Variants in ACSL6 observed in about 807,000 individuals in gnomAD.
The protein encoded by ACSL6 is long-chain-fatty-acid--CoA ligase 6.
ACSL6 carries 47 observed loss-of-function variants against 98.2 expected under a neutral mutation model. The observed-to-expected ratio is 0.48, with a 90% CI of 0.38 to 0.61. ACSL6 has a LOEUF of 0.61. Among genes scored for constraint, ACSL6 ranks in the 20% least tolerant of loss-of-function variants. The pLI, the probability that ACSL6 is intolerant of heterozygous loss-of-function variation, is 0.00. For synonymous variants in ACSL6, 362 were observed against 336.9 expected, an observed-to-expected ratio of 1.07 and a Z score of -0.82; for missense variants, 761 against 913.4, an observed-to-expected ratio of 0.83 and a Z score of 2.15.
chr5:132,002,695 G>T (rs1233846412), intron 1 of ACSL6, among the ~76,000 whole-genome samples: 2 of 152,148 alleles, frequency 1.3e-5, no homozygotes, highest in Non-Finnish European at 2.9e-5. Flanking sequence ...TAGAGAACAG[G>T]GCTATCGAAG....
chr5:131,966,605 A>T, intron 16 of ACSL6, 73 bp from the exon 17 acceptor site: 1 of 1,340,336 alleles, frequency 7.5e-7, no homozygotes, highest in South Asian at 1.2e-5. Context: ...GTCACCAGGC[A>T]TACGGAGATA....
intron 4 of ACSL6, 116 bp downstream of exon 4, chr5:131,989,984 G>A: frequency 8.8e-7 from 1 of 1,136,214 alleles, no homozygotes. Flanking sequence ...TTGGCAGACA[G>A]GCCAGGGAAA....
rs1008817892 is a variant in ACSL6, at chr5:131,997,451, G to T, written c.50-3200C>A. 1.8e-4 allele frequency among the ~76,000 whole-genome samples: 28 copies of T among 152,062 alleles called. 1 individual carries two copies. Among genetic ancestry groups the T allele is most frequent in the African/African-American group, 6.5e-4 (27 of 41,404 alleles). On this transcript the variant is annotated intron_variant, in intron 1 of 20. Transcript: ENST00000651883. Reference sequence around the variant, plus strand: ...ACTCCCACAATCCATCCTTTCCTTCGCATTGGCACTGAACCCACAGACAAC... The same window carrying T: ...ACTCCCACAATCCATCCTTTCCTTCTCATTGGCACTGAACCCACAGACAAC...
chr5:131,974,776 CAT>C (rs753474056), intron 11 of ACSL6, 115 bp downstream of exon 11: 2 of 1,611,006 alleles, frequency 1.2e-6, no homozygotes, highest in Non-Finnish European at 8.5e-7. Context: ...TTCGCTCAAA[CAT>C]GTGTGCTAAA....
intron 1 of ACSL6, chr5:132,007,072 G>A (rs1755449188): frequency 6.6e-6 from 1 of 151,988 alleles, no homozygotes; most frequent in Non-Finnish European, 1.5e-5. Context: ...TATGTACCCT[G>A]TGTGCCCAAC....
In ACSL6 at chr5:131,962,647, T is replaced by C. The variant is rs1752772742; in HGVS notation, c.1745A>G (p.Lys582Arg). 2 of 1,613,944 alleles carry C rather than the reference T, an allele frequency of 1.2e-6. No individual in the cohort carries two copies. ...AGTLKIIDRKKHIFKLAQGEY... is the reference protein window; with the variant it reads ...AGTLKIIDRKRHIFKLAQGEY... ...TCCCTGAGCAAGTTTAAATATATGC[T>C]TTTTCCGATCAATAATTTTAAGAGT... The change falls in exon 18 of 21, where the codon AAG becomes AGG. Residue 582 changes from lysine to arginine, a missense_variant. Physicochemically the swap from Lys to Arg is conservative, Grantham distance 26. Transcript: ENST00000651883.
chr5:131,994,050 A>G lies in ACSL6; in HGVS notation c.251T>C (p.Met84Thr). The change falls in exon 2 of 21, where the codon ATG becomes ACG. Residue 84 changes from methionine to threonine, a missense_variant. Coordinates refer to ENST00000651883, the MANE Select transcript of ACSL6 (RefSeq NM_001009185.3). ...KALQPPCNLL[M>T]QSEEVEDSGG... ...GCTCACCTCTACTTCTTCTGACTGCATCAGGAGGTTGCATGGCGGCTGCAA... is the reference window on the plus strand; with the variant it reads ...GCTCACCTCTACTTCTTCTGACTGCGTCAGGAGGTTGCATGGCGGCTGCAA... 1.2e-6 allele frequency: 2 copies of G among 1,613,930 alleles called. No homozygotes were observed. Among genetic ancestry groups the G allele is most frequent in the Non-Finnish European group, 1.7e-6 (2 of 1,180,034 alleles).
At chr5:131,956,963 T>C (rs1287815624) in intron 20 of ACSL6, among the ~76,000 whole-genome samples, 11 of 152,176 alleles carry the variant, frequency 7.2e-5, no homozygotes, top group Non-Finnish European at 1.5e-5. Flanking sequence ...TGCTACAGGA[T>C]TTTTAAAAAT....
chr5:132,011,394 G>A lies in ACSL6; in HGVS notation c.49+111C>T. 1 of 1,185,412 alleles carries A rather than the reference G, an allele frequency of 8.4e-7. No individual in the cohort carries two copies. The highest frequency in any genetic ancestry group is 1.2e-6 in the Non-Finnish European group (1 of 806,836). The allele number at this position is 1,185,412 out of a possible 1,614,324, so 73.4% of individuals were successfully genotyped here. A position where few individuals can be genotyped will look rare whatever the true frequency, so the allele number is the denominator to read the frequency against. The stretch of plus-strand genomic sequence containing the variant: ...GGGACCTTGACGGGACAGCTCAGCA[G>A]CAGGGGATGGGGGCTCGGCGGCCGC... On this transcript the variant is annotated intron_variant, in intron 1 of 20. Coordinates refer to ENST00000651883, the MANE Select transcript of ACSL6 (RefSeq NM_001009185.3). This position sits in a 1 kb window ranked among gnomAD's most constrained non-coding sequence, Gnocchi z 5.4.
chr5:131,986,710 A>C, intron 8 of ACSL6, 112 bp downstream of exon 8: 5 of 1,342,836 alleles, frequency 3.7e-6, no homozygotes, highest in Non-Finnish European at 5.3e-6. Flanking sequence ...GCTTGCACAC[A>C]GGAGTTGCTT....
rs1752184367 is a variant in ACSL6, at chr5:131,951,920, TTA to T, written c.*2312_*2313del. Reference sequence around the variant, plus strand: ...GAAATATTAAGTTGTCCATAATCTGTTATATCTAACTATTATAAAGTATAAAT... The same window carrying T: ...GAAATATTAAGTTGTCCATAATCTGTTATCTAACTATTATAAAGTATAAAT... On this transcript the variant is annotated 3_prime_UTR_variant, in exon 21 of 21. Transcript: ENST00000651883. The T allele has an allele frequency of 5.8e-6, 1 of 171,554 alleles. No individual in the cohort carries two copies. The highest frequency in any genetic ancestry group is 2.0e-4 in the South Asian group (1 of 4,990). 10.6% of individuals were successfully genotyped at this position (171,554 alleles called of 1,614,324 possible).
chr5:131,967,699 T>TAATAA lies in ACSL6; in HGVS notation c.1596+240_1596+241insTTATT, dbSNP rs5871437. On this transcript the variant is annotated intron_variant, in intron 16 of 20. Coordinates refer to ENST00000651883, the MANE Select transcript of ACSL6 (RefSeq NM_001009185.3). ...ATAATAATAATAATAATAATAATAA[T>TAATAA]TAATTAATTTAAAAATCTGGGAATT... is the stretch of plus-strand genomic sequence containing the variant. 9.4e-3 allele frequency among the ~76,000 whole-genome samples: 1,122 copies of TAATAA among 119,652 alleles called. 8 individuals are homozygous for TAATAA. The highest frequency in any genetic ancestry group is 0.016 in the Non-Finnish European group (791 of 50,804). The allele number at this position is 119,652 out of a possible 152,430, so 78.5% of individuals were successfully genotyped here.
intron 13 of ACSL6, among the ~76,000 whole-genome samples, chr5:131,972,411 G>C (rs749827675): frequency 6.6e-6 from 1 of 152,158 alleles, no homozygotes; most frequent in Non-Finnish European, 1.5e-5. Flanking sequence ...GAGAACTTCA[G>C]GGCCCAGGAG....
intron 14 of ACSL6, among the ~76,000 whole-genome samples, chr5:131,970,533 C>A (rs905580389): frequency 6.6e-6 from 1 of 152,058 alleles, no homozygotes; most frequent in African/African-American, 2.4e-5. Context: ...CCTCAGCCTC[C>A]CGAGTAGCTG....
intron 19 of ACSL6, 147 bp from the exon 20 acceptor site, chr5:131,959,754 G>A (rs1752600890): frequency 1.4e-6 from 1 of 701,264 alleles, no homozygotes; most frequent in African/African-American, 1.8e-5. Context: ...GATACTCCCT[G>A]GCAACACTCC....
chr5:131,995,880 T>C (rs952195688), intron 1 of ACSL6, among the ~76,000 whole-genome samples: 2 of 152,230 alleles, frequency 1.3e-5, no homozygotes, highest in African/African-American at 4.8e-5. Flanking sequence ...TTGCACTGCA[T>C]CTGGCATATT....
intron 1 of ACSL6, among the ~76,000 whole-genome samples, chr5:131,996,201 A>C (rs1415463073): frequency 4.6e-5 from 7 of 152,198 alleles, no homozygotes; most frequent in African/African-American, 1.7e-4. Flanking sequence ...CAGTTATGAG[A>C]CCATCCTGGA....
chr5:131,989,876 G>A (rs576844441), intron 4 of ACSL6, among the ~76,000 whole-genome samples: 2 of 152,304 alleles, frequency 1.3e-5, no homozygotes, highest in East Asian at 3.9e-4. Context: ...TTACAGGCAT[G>A]AGCCACCACG....
chr5:131,991,113 C>CAG, intron 2 of ACSL6, 146 bp from the exon 3 acceptor site: 1 of 668,956 alleles, frequency 1.5e-6, no homozygotes, highest in Non-Finnish European at 2.7e-6. Context: ...CCCGCGTACA[C>CAG]ATGGACTACA....
Sources: gnomAD v4.1 joint callset for allele counts (sites outside exome capture counted in the v4.1 genomes callset) on GRCh38, gnomAD v4.1.1 for gene constraint, Gnocchi (gnomAD v3.1) non-coding constraint, MANE v1.5 for transcripts, NCBI Gene and HGNC (gene_info 2026-07-23, HGNC 2026-07-21) for gene names.